ERMP1: variants seen among roughly 807,000 people sequenced by gnomAD.
The protein encoded by ERMP1 is endoplasmic reticulum metallopeptidase 1.
Under a neutral mutation model 92.0 loss-of-function variants are expected in ERMP1, and 86 were observed. That is an observed-to-expected ratio of 0.93 (90% confidence interval 0.79 to 1.12). The LOEUF is 1.12. Among genes scored for constraint, ERMP1 ranks in the 50% most tolerant of loss-of-function variants. The probability of loss-of-function intolerance (pLI) is 0.00; values close to 1 mark genes in which losing one functional copy is unlikely to be tolerated. For synonymous variants in ERMP1, 530 were observed against 412.8 expected (o/e 1.28, Z -3.44); for missense variants, 1,342 against 1,116.3 (o/e 1.20, Z -2.88).
intron 5 of ERMP1, among the ~76,000 whole-genome samples, chr9:5,861,687 C>A (rs10975322): frequency 7.5e-6 from 1 of 133,760 alleles, no homozygotes; most frequent in Non-Finnish European, 1.6e-5. Context: ...AGGCAGAGCT[C>A]TAGTGTTGAC....
intron 1 of ERMP1, among the ~76,000 whole-genome samples, chr9:5,832,086 A>T (rs996536443): frequency 1.5e-4 from 18 of 122,708 alleles, no homozygotes; most frequent in African/African-American, 4.7e-4. Context: ...TAAAGGTCTT[A>T]AAAAAAAAAA....
chr9:5,789,178 C>T (rs1018128647), intron 13 of ERMP1, among the ~76,000 whole-genome samples: 3 of 151,790 alleles, frequency 2.0e-5, no homozygotes, highest in African/African-American at 7.3e-5. Context: ...TACCAGGCAC[C>T]TTAGAATATT....
At chr9:5,802,032 T>C (rs1828692997) in intron 10 of ERMP1, among the ~76,000 whole-genome samples, 1 of 152,224 alleles carries the variant, frequency 6.6e-6, no homozygotes, top group Non-Finnish European at 1.5e-5. Context: ...TGTCCACAGA[T>C]CCCTTACAGG....
At chr9:5,802,220 A>C (rs771055860) in intron 10 of ERMP1, among the ~76,000 whole-genome samples, 12 of 152,144 alleles carry the variant, frequency 7.9e-5, no homozygotes, top group Admixed American at 7.2e-4. Flanking sequence ...TCAGTATACA[A>C]ATGTGAGATG....
chr9:5,848,955 C>T (rs1830272759), intron 6 of ERMP1, among the ~76,000 whole-genome samples: 1 of 152,184 alleles, frequency 6.6e-6, no homozygotes, highest in Admixed American at 6.5e-5. Context: ...CTGAGGAAAC[C>T]AAGTGGAGAA....
intron 8 of ERMP1, among the ~76,000 whole-genome samples, chr9:5,807,717 A>C (rs1828920844): frequency 6.6e-6 from 1 of 152,010 alleles, no homozygotes; most frequent in African/African-American, 2.4e-5. Flanking sequence ...CTGCACTCCA[A>C]CCTGGGCGAC....
At chr9:5,793,283 T>A (rs1260136) in intron 13 of ERMP1, among the ~76,000 whole-genome samples, 59,461 of 150,488 alleles carry the variant, frequency 0.4, 12,119 homozygotes, top group East Asian at 0.71. Flanking sequence ...AAAAAAAAAA[T>A]AGTAGTGTAA....
intron 4 of ERMP1, among the ~76,000 whole-genome samples, chr9:5,820,805 G>A (rs962495970): frequency 6.6e-6 from 1 of 152,188 alleles, no homozygotes; most frequent in Admixed American, 6.5e-5. Context: ...ACCCAGGAGG[G>A]CCTTTATCCT....
chr9:5,859,289 A>C (rs1398743443), intron 6 of ERMP1, among the ~76,000 whole-genome samples: 3 of 152,084 alleles, frequency 2.0e-5, no homozygotes, highest in African/African-American at 4.8e-5. Flanking sequence ...AGCTCTTGCT[A>C]CTCTCTTGGG....
intron 1 of ERMP1, among the ~76,000 whole-genome samples, chr9:5,831,260 C>G (rs939634921): frequency 6.6e-6 from 1 of 152,204 alleles, no homozygotes; most frequent in African/African-American, 2.4e-5. Flanking sequence ...CCATCCCACT[C>G]CCAACTTCTC....
intron 5 of ERMP1, among the ~76,000 whole-genome samples, chr9:5,865,456 C>A (rs944654733): frequency 6.7e-6 from 1 of 150,070 alleles, no homozygotes; most frequent in African/African-American, 2.5e-5. Flanking sequence ...TGCAGTGAGC[C>A]GAGATCGCGC....
chr9:5,796,840 C>T (rs372401447), intron 13 of ERMP1, among the ~76,000 whole-genome samples: 1 of 152,052 alleles, frequency 6.6e-6, no homozygotes, highest in African/African-American at 2.4e-5. Flanking sequence ...CATAGAACTA[C>T]ACAACACGAA....
rs1329204904 is a variant in ERMP1 at position 5,811,328 on chromosome 9, T to C, written c.1115-5A>G. 1.3e-6 allele frequency: 2 copies of C among 1,573,048 alleles called. No homozygotes were observed. Among genetic ancestry groups the C allele is most frequent in the South Asian group, 2.4e-5 (2 of 83,802 alleles). On this transcript the variant is annotated splice_polypyrimidine_tract_variant and splice_region_variant and intron_variant, in intron 6 of 14. Coordinates refer to ENST00000339450, the MANE Select transcript of ERMP1 (RefSeq NM_024896.3). ...GAACTGCTAAAATGTTGTCACCTAT[T>C]AGTAAAAACAAAAAAAAAAAGAAAG...
intron 6 of ERMP1, among the ~76,000 whole-genome samples, chr9:5,839,765 C>T (rs1325426728): frequency 6.6e-6 from 1 of 152,186 alleles, no homozygotes; most frequent in African/African-American, 2.4e-5. Flanking sequence ...ATAGCCTCTG[C>T]AGCTGCTGCT....
At position 5,811,108 on chromosome 9, in the gene ERMP1, T is replaced by C. The variant is rs1447924345; in HGVS notation, c.1327+3A>G. 5 of 1,600,934 alleles carry C rather than the reference T, an allele frequency of 3.1e-6. No homozygotes were observed. Among genetic ancestry groups the C allele is most frequent in the Non-Finnish European group, 4.3e-6 (5 of 1,168,200 alleles). ...ATTTGTAGTTTTAGAGGAAAATACT[T>C]ACTCTTATGTTTGGGCTGCAAAAAT... On this transcript the variant is annotated splice_donor_region_variant and intron_variant, in intron 7 of 14. Transcript: ENST00000339450.
chr9:5,865,264 T>C (rs1379480810), intron 5 of ERMP1, among the ~76,000 whole-genome samples: 1 of 151,800 alleles, frequency 6.6e-6, no homozygotes, highest in Non-Finnish European at 1.5e-5. Flanking sequence ...CCCAGCACTT[T>C]GGGAGGCCAA....
chr9:5,790,150 G>T (rs1017126770), intron 13 of ERMP1, among the ~76,000 whole-genome samples: 1 of 151,244 alleles, frequency 6.6e-6, no homozygotes, highest in East Asian at 1.9e-4. Context: ...GGGTTAATTG[G>T]TGGGAGTTAA....
At chr9:5,863,111 T>C (rs540044767) in intron 5 of ERMP1, among the ~76,000 whole-genome samples, 2 of 152,354 alleles carry the variant, frequency 1.3e-5, no homozygotes, top group South Asian at 4.1e-4. Flanking sequence ...CAAGAAACCC[T>C]GTCTTCATAG....
intron 2 of ERMP1, among the ~76,000 whole-genome samples, chr9:5,826,385 A>G (rs1380687263): frequency 1.3e-5 from 2 of 152,220 alleles, no homozygotes; most frequent in Non-Finnish European, 2.9e-5. Flanking sequence ...ACTTTACTCC[A>G]CTATTTCCTG....
Sources: gnomAD v4.1 joint callset for allele counts (sites outside exome capture counted in the v4.1 genomes callset) on GRCh38, gnomAD v4.1.1 for gene constraint, MANE v1.5 for transcripts, NCBI Gene and HGNC (gene_info 2026-07-23, HGNC 2026-07-21) for gene names.